The following ARHGAP31 variants were observed in gnomAD, a reference collection of about 807,000 sequenced individuals.
ARHGAP31 encodes the protein rho GTPase-activating protein 31.
In ARHGAP31, 34 loss-of-function variants were observed where a neutral mutation model predicts 113.9. That is an observed-to-expected ratio of 0.30 (90% confidence interval 0.23 to 0.40). The LOEUF (loss-of-function observed/expected upper bound fraction) is 0.40. ARHGAP31 is among the 10% of genes least tolerant of loss of function. ARHGAP31 has a pLI of 1.00. For missense variants in ARHGAP31, 1,548 were observed against 1,767.1 expected (o/e 0.88, Z 2.22); for synonymous variants, 650 against 684.8 (o/e 0.95, Z 0.79).
intron 1 of ARHGAP31, among the ~76,000 whole-genome samples, chr3:119,338,111 T>C (rs924208134): frequency 3.9e-5 from 6 of 152,248 alleles, no homozygotes; most frequent in Non-Finnish European, 7.3e-5. Flanking sequence ...AGTACACTTT[T>C]ATTATTTATC....
At chr3:119,329,647 A>T (rs1486965589) in intron 1 of ARHGAP31, among the ~76,000 whole-genome samples, 1 of 152,156 alleles carries the variant, frequency 6.6e-6, no homozygotes. Flanking sequence ...AAGGCCTCTC[A>T]CAGGGCCTTC....
Position 119,294,621 on chromosome 3 carries a change from A to G in ARHGAP31, c.-284A>G. 1.8e-6 allele frequency: 1 copy of G among 554,648 alleles called. No individual in the cohort carries two copies. Among genetic ancestry groups the G allele is most frequent in the South Asian group, 2.4e-5 (1 of 42,132 alleles). 34.4% of individuals were successfully genotyped at this position (554,648 alleles called of 1,614,324 possible). A position where few individuals can be genotyped will look rare whatever the true frequency, so the allele number is the denominator to read the frequency against. ...GCAGGAGCCTGTGAAAGTCCCTAGG[A>G]CTCCAAGTGAGGAAGTGACACTCCC... On this transcript the variant is annotated 5_prime_UTR_variant, in exon 1 of 12. Transcript: ENST00000264245.
intron 6 of ARHGAP31, among the ~76,000 whole-genome samples, chr3:119,384,196 AT>A (rs1399684418): frequency 6.6e-6 from 1 of 152,182 alleles, no homozygotes; most frequent in Non-Finnish European, 1.5e-5. Context: ...TCAAATTTTG[AT>A]TCCTGGTATA....
intron 10 of ARHGAP31, 112 bp from the exon 11 acceptor site, chr3:119,409,384 A>G: frequency 3.1e-6 from 4 of 1,286,590 alleles, no homozygotes; most frequent in Non-Finnish European, 4.4e-6. Flanking sequence ...AGCTGAGGGA[A>G]TTCCCTCCAT....
At chr3:119,324,155 A>G (rs998677510) in intron 1 of ARHGAP31, among the ~76,000 whole-genome samples, 3 of 152,222 alleles carry the variant, frequency 2.0e-5, no homozygotes, top group African/African-American at 7.2e-5. Context: ...TTATTACAGT[A>G]GCGCTTTCCT....
chr3:119,415,820 G>A lies in ARHGAP31; in HGVS notation c.3891G>A (p.Leu1297=), dbSNP rs758973761. Residue 1297 remains leucine (L), a synonymous_variant, in exon 12 of 12, where the codon CTG becomes CTA. Transcript: ENST00000264245. ...CTCCAGAACCAGGCTCGTCTAACCT[G>A]CTCTCCACCCAGGATGCAGTAGTGC... ...TLSPEPGSSN[L]LSTQDAVVQC... 6.2e-7 allele frequency: 1 copy of A among 1,614,230 alleles called. No individual in the cohort carries two copies. Among genetic ancestry groups the A allele is most frequent in the Admixed American group, 1.7e-5 (1 of 60,026 alleles).
At chr3:119,362,789 G>C (rs926106577) in intron 1 of ARHGAP31, among the ~76,000 whole-genome samples, 1 of 149,660 alleles carries the variant, frequency 6.7e-6, no homozygotes, top group African/African-American at 2.5e-5. Context: ...AAAAAGGCGG[G>C]GGGTGGAGTA....
rs1036313749 is a variant in ARHGAP31, at chr3:119,382,955, T to A, written c.540-129T>A. 37 of 1,257,432 alleles carry A rather than the reference T, an allele frequency of 2.9e-5. No homozygotes were observed. The African/African-American group carries it at 4.5e-4, about 15-fold the overall frequency. 77.9% of individuals were successfully genotyped at this position (1,257,432 alleles called of 1,614,324 possible). ...GAGAGTTCCTTTAATTGGCCCTAAA[T>A]AATTAAAATATTCTATGAACTGTAT... On this transcript the variant is annotated intron_variant, in intron 5 of 11. Transcript: ENST00000264245.
chr3:119,349,030 A>T (rs2080087504), intron 1 of ARHGAP31, among the ~76,000 whole-genome samples: 1 of 152,182 alleles, frequency 6.6e-6, no homozygotes, highest in Non-Finnish European at 1.5e-5. Context: ...TTCAGGATAA[A>T]AGCTTGAATA....
At chr3:119,409,805 C>T in intron 11 of ARHGAP31, 29 bp downstream of exon 11, 1 of 1,560,266 alleles carries the variant, frequency 6.4e-7, no homozygotes, top group Non-Finnish European at 8.7e-7. Context: ...CTGCTCCAGC[C>T]AGGTGGAGTT....
chr3:119,389,234 C>T (rs951460015), intron 6 of ARHGAP31, among the ~76,000 whole-genome samples: 9 of 152,092 alleles, frequency 5.9e-5, no homozygotes, highest in African/African-American at 2.2e-4. Context: ...AGACACTAAG[C>T]GGGCCTTAGT....
chr3:119,412,021 G>A (rs1297095808), intron 11 of ARHGAP31, among the ~76,000 whole-genome samples: 2 of 152,202 alleles, frequency 1.3e-5, no homozygotes, highest in Admixed American at 1.3e-4. Flanking sequence ...TTTCACAAAG[G>A]CCTGTGCCAT....
chr3:119,329,601 C>T (rs924096979), intron 1 of ARHGAP31, among the ~76,000 whole-genome samples: 1 of 152,178 alleles, frequency 6.6e-6, no homozygotes, highest in African/African-American at 2.4e-5. Context: ...TCCAGCTATC[C>T]ATAACCTCCT....
chr3:119,387,574 T>C (rs774657189), intron 6 of ARHGAP31, among the ~76,000 whole-genome samples: 1 of 152,212 alleles, frequency 6.6e-6, no homozygotes, highest in Non-Finnish European at 1.5e-5. Flanking sequence ...AACATATGAA[T>C]TTTGAGGGGA....
At chr3:119,370,505 C>T (rs1207852796) in intron 3 of ARHGAP31, among the ~76,000 whole-genome samples, 1 of 152,090 alleles carries the variant, frequency 6.6e-6, no homozygotes, top group African/African-American at 2.4e-5. Context: ...CCTGAAATTC[C>T]ACACTCCAGG....
chr3:119,313,514 G>A (rs1175053368), intron 1 of ARHGAP31, among the ~76,000 whole-genome samples: 1 of 152,146 alleles, frequency 6.6e-6, no homozygotes, highest in Non-Finnish European at 1.5e-5. Flanking sequence ...TTTGCTGAAC[G>A]AACGAGGGTA....
intron 1 of ARHGAP31, among the ~76,000 whole-genome samples, chr3:119,352,933 T>G (rs2107617352): frequency 6.6e-6 from 1 of 152,336 alleles, no homozygotes; most frequent in East Asian, 1.9e-4. Flanking sequence ...ATTTCTTGCC[T>G]TTCACCTTGT....
chr3:119,340,131 C>T (rs558584629), intron 1 of ARHGAP31, among the ~76,000 whole-genome samples: 13 of 152,272 alleles, frequency 8.5e-5, no homozygotes, highest in Non-Finnish European at 1.6e-4. Flanking sequence ...GACATTTTAT[C>T]AAAGAAGATA....
intron 1 of ARHGAP31, among the ~76,000 whole-genome samples, chr3:119,363,391 A>G (rs1292405786): frequency 6.6e-6 from 1 of 151,390 alleles, no homozygotes; most frequent in Non-Finnish European, 1.5e-5. Flanking sequence ...CACCCACAGC[A>G]CCCCCCATCA....
Sources: allele counts gnomAD v4.1 joint callset (sites outside exome capture counted in the v4.1 genomes callset), GRCh38; gene constraint gnomAD v4.1.1; transcripts MANE v1.5; gene names NCBI Gene and HGNC (gene_info 2026-07-23, HGNC 2026-07-21).